The following NKAIN2 variants were observed in gnomAD, a reference collection of about 807,000 sequenced individuals.
NKAIN2 encodes the protein sodium/potassium-transporting ATPase subunit beta-1-interacting protein 2.
NKAIN2 carries 14 observed loss-of-function variants against 32.6 expected under a neutral mutation model. That is an observed-to-expected ratio of 0.43 (90% CI 0.28 to 0.67). NKAIN2 has a LOEUF of 0.67. NKAIN2 is among the 30% of genes least tolerant of loss of function. The pLI is 0.17. For synonymous variants in NKAIN2, 80 were observed against 87.2 expected (o/e 0.92, Z 0.46); for missense variants, 198 against 258.3 (o/e 0.77, Z 1.60).
In NKAIN2 at chr6:124,236,007, G is replaced by A. The variant is rs58644790; in HGVS notation, c.55-46998G>A. ...AAACCATAACAGAGGCAGAAAATAT[G>A]TAGTTATAAAATGTTTCTAGGGAAA... On this transcript the variant is annotated intron_variant, in intron 1 of 6. Transcript: ENST00000368417. 4.1e-3 allele frequency among the ~76,000 whole-genome samples: 621 copies of A among 152,076 alleles called. 6 individuals are homozygous for A. Among genetic ancestry groups the A allele is most frequent in the African/African-American group, 0.014 (577 of 41,522 alleles).
rs187987186 is a variant in NKAIN2 at position 123,975,926 on chromosome 6, G to A, written c.54+171672G>A. On this transcript the variant is annotated intron_variant, in intron 1 of 6. Transcript: ENST00000368417. Reference sequence around the variant, plus strand: ...CTCACACAATTCCTACATGTCGCGGGAGGGACCCCGTGGGAGGTAATTGAA... The same window carrying A: ...CTCACACAATTCCTACATGTCGCGGAAGGGACCCCGTGGGAGGTAATTGAA... Among the ~76,000 whole-genome samples, 383 of 152,072 alleles carry A rather than the reference G, an allele frequency of 2.5e-3. 3 individuals are homozygous for A. The highest frequency in any genetic ancestry group is 8.7e-3 in the African/African-American group (362 of 41,484).
At chr6:123,834,397 C>A (rs1774524607) in intron 1 of NKAIN2, among the ~76,000 whole-genome samples, 1 of 152,054 alleles carries the variant, frequency 6.6e-6, no homozygotes, top group African/African-American at 2.4e-5. Flanking sequence ...TCAGGTGAGC[C>A]ACCTGCCTCA....
intron 1 of NKAIN2, among the ~76,000 whole-genome samples, chr6:123,886,937 G>C (rs1773744959): frequency 6.6e-6 from 1 of 152,068 alleles, no homozygotes. Flanking sequence ...CCTCTTGCTT[G>C]GTTGAGGCAA....
chr6:123,957,263 T>C (rs1472392572), intron 1 of NKAIN2, among the ~76,000 whole-genome samples: 1 of 152,218 alleles, frequency 6.6e-6, no homozygotes, highest in Non-Finnish European at 1.5e-5. Context: ...TCACTGATAC[T>C]TAACTTAAAA....
chr6:124,232,914 T>G (rs536928125), intron 1 of NKAIN2, among the ~76,000 whole-genome samples: 2 of 152,274 alleles, frequency 1.3e-5, no homozygotes, highest in African/African-American at 4.8e-5. Flanking sequence ...TTATGAAAAC[T>G]TATGTTATTC....
At chr6:123,844,510 A>G (rs920392915) in intron 1 of NKAIN2, among the ~76,000 whole-genome samples, 1 of 152,168 alleles carries the variant, frequency 6.6e-6, no homozygotes, top group South Asian at 2.1e-4. Context: ...GTCTCCCCTT[A>G]ATGATCTCTT....
intron 1 of NKAIN2, among the ~76,000 whole-genome samples, chr6:123,979,917 A>G (rs984445139): frequency 5.9e-5 from 9 of 152,104 alleles, no homozygotes; most frequent in Non-Finnish European, 8.8e-5. Context: ...ATGCCATCCA[A>G]TTATCTCCTG....
At chr6:124,189,629 C>T (rs556383195) in intron 1 of NKAIN2, among the ~76,000 whole-genome samples, 2 of 152,056 alleles carry the variant, frequency 1.3e-5, no homozygotes, top group South Asian at 2.1e-4. Context: ...TGAAGTGAGC[C>T]GAGATTGTGC....
chr6:124,728,797 T>A (rs1334658518), intron 4 of NKAIN2, among the ~76,000 whole-genome samples: 1 of 151,678 alleles, frequency 6.6e-6, no homozygotes, highest in Non-Finnish European at 1.5e-5. Context: ...TTAACAAAAT[T>A]GATAGACCGC....
At chr6:124,279,007 G>T (rs141377372) in intron 1 of NKAIN2, among the ~76,000 whole-genome samples, 198 of 152,016 alleles carry the variant, frequency 1.3e-3, no homozygotes, top group Non-Finnish European at 2.3e-3. Flanking sequence ...AGAAACACAA[G>T]GTGAAAACAC....
intron 1 of NKAIN2, among the ~76,000 whole-genome samples, chr6:124,139,510 G>A (rs1015037911): frequency 2.0e-5 from 3 of 152,168 alleles, no homozygotes; most frequent in African/African-American, 7.2e-5. Flanking sequence ...ATATTATTCA[G>A]TATTCTTTCT....
intron 3 of NKAIN2, among the ~76,000 whole-genome samples, chr6:124,549,671 G>A (rs1780219514): frequency 6.6e-6 from 1 of 152,164 alleles, no homozygotes; most frequent in Non-Finnish European, 1.5e-5. Flanking sequence ...CAGGTTTTCA[G>A]TCTTTCCTTG....
At chr6:124,376,357 T>G (rs1255065071) in intron 3 of NKAIN2, among the ~76,000 whole-genome samples, 1 of 152,134 alleles carries the variant, frequency 6.6e-6, no homozygotes, top group Non-Finnish European at 1.5e-5. Flanking sequence ...TATGTTGGTT[T>G]TGATTTATTA....
intron 1 of NKAIN2, among the ~76,000 whole-genome samples, chr6:123,872,713 C>T (rs779386654): frequency 6.6e-6 from 1 of 152,164 alleles, no homozygotes; most frequent in African/African-American, 2.4e-5. Flanking sequence ...TTACTTTGGT[C>T]TCAGTCAGGC....
At chr6:123,914,444 A>T (rs1222149361) in intron 1 of NKAIN2, among the ~76,000 whole-genome samples, 1 of 152,148 alleles carries the variant, frequency 6.6e-6, no homozygotes, top group Non-Finnish European at 1.5e-5. Context: ...TACTAATCCT[A>T]TCAGATCAGG....
chr6:124,538,660 T>C (rs1779802604), intron 3 of NKAIN2, among the ~76,000 whole-genome samples: 1 of 152,162 alleles, frequency 6.6e-6, no homozygotes, highest in Non-Finnish European at 1.5e-5. Flanking sequence ...GAGAACTCAC[T>C]GTTTTATCTC....
intron 3 of NKAIN2, among the ~76,000 whole-genome samples, 153 bp from the exon 4 acceptor site, chr6:124,658,033 T>C (rs1377878264): frequency 6.6e-6 from 1 of 151,934 alleles, no homozygotes; most frequent in Non-Finnish European, 1.5e-5. Flanking sequence ...AATTTAGCTG[T>C]GTCCTCGCTT....
intron 4 of NKAIN2, among the ~76,000 whole-genome samples, chr6:124,712,540 G>A (rs1317160148): frequency 1.7e-5 from 2 of 117,254 alleles, no homozygotes; most frequent in East Asian, 2.2e-4. Context: ...TTTTAAGCCC[G>A]TCGGAAAAGC....
At chr6:124,234,800 CAA>C (rs1248037543) in intron 1 of NKAIN2, among the ~76,000 whole-genome samples, 1 of 152,110 alleles carries the variant, frequency 6.6e-6, no homozygotes, top group Non-Finnish European at 1.5e-5. Flanking sequence ...CTAAAACTAA[CAA>C]AAAAGTTGTA....
Sources: allele counts gnomAD v4.1 joint callset (sites outside exome capture counted in the v4.1 genomes callset), GRCh38; gene constraint gnomAD v4.1.1; transcripts MANE v1.5; gene names NCBI Gene and HGNC (gene_info 2026-07-23, HGNC 2026-07-21).